The following BRAF variants were observed in gnomAD, a reference collection of about 807,000 sequenced individuals.
The protein encoded by BRAF is serine/threonine-protein kinase B-raf.
BRAF carries 16 observed loss-of-function variants against 104.6 expected under a neutral mutation model. The ratio of observed to expected loss-of-function variants is 0.15; its 90% confidence interval spans 0.10 to 0.23. BRAF has a LOEUF of 0.23. Among genes scored for constraint, BRAF ranks in the 10% least tolerant of loss-of-function variants. The probability of loss-of-function intolerance (pLI) is 1.00; values close to 1 mark genes in which losing one functional copy is unlikely to be tolerated. For synonymous variants in BRAF, 310 were observed against 341.6 expected, an observed-to-expected ratio of 0.91 and a Z score of 1.02; for missense variants, 541 against 937.3, an observed-to-expected ratio of 0.58 and a Z score of 5.52.
At chr7:140,862,714 G>C (rs968443197) in intron 1 of BRAF, among the ~76,000 whole-genome samples, 2 of 152,050 alleles carry the variant, frequency 1.3e-5, no homozygotes, top group Non-Finnish European at 2.9e-5. Flanking sequence ...CTGGGGGGTG[G>C]GCAAATTGGT....
At chr7:140,767,299 C>G (rs2129011951) in intron 14 of BRAF, among the ~76,000 whole-genome samples, 1 of 152,216 alleles carries the variant, frequency 6.6e-6, no homozygotes, top group East Asian at 1.9e-4. Flanking sequence ...CCACCGTGCC[C>G]AGCCAAAAGA....
At chr7:140,906,006 T>C (rs1050781413) in intron 1 of BRAF, among the ~76,000 whole-genome samples, 4 of 132,018 alleles carry the variant, frequency 3.0e-5, no homozygotes, top group Non-Finnish European at 6.2e-5. Flanking sequence ...GAGAATGGCG[T>C]GAACCCGGGA....
At chr7:140,775,803 A>G (rs1800286493) in intron 14 of BRAF, among the ~76,000 whole-genome samples, 1 of 152,236 alleles carries the variant, frequency 6.6e-6, no homozygotes, top group South Asian at 2.1e-4. Flanking sequence ...CTTGTAAACA[A>G]TCTAAATTAT....
chr7:140,802,292 CTTTTTTT>C (rs144953895), intron 5 of BRAF, among the ~76,000 whole-genome samples: 1 of 103,310 alleles, frequency 9.7e-6, no homozygotes. Flanking sequence ...ATGTTTGTGT[CTTTTTTT>C]TTTTTTTTTT....
intron 5 of BRAF, among the ~76,000 whole-genome samples, chr7:140,803,953 C>T (rs573387956): frequency 6.9e-4 from 105 of 152,214 alleles, no homozygotes; most frequent in Non-Finnish European, 1.1e-3. Context: ...GGCAGGATCT[C>T]GGCCCACTGC....
intron 1 of BRAF, among the ~76,000 whole-genome samples, chr7:140,878,021 T>A (rs1812457616): frequency 1.3e-5 from 2 of 152,158 alleles, no homozygotes; most frequent in Admixed American, 6.5e-5. Context: ...ACTCACTTTA[T>A]GATTCCAGCA....
intron 2 of BRAF, among the ~76,000 whole-genome samples, chr7:140,847,687 T>C (rs573892982): frequency 3.7e-4 from 56 of 152,296 alleles, no homozygotes; most frequent in African/African-American, 1.3e-3. Flanking sequence ...AGGAACTATG[T>C]TATTTCATAA....
Position 140,721,615 on chromosome 7 carries a change from A to G in BRAF, c.*4879T>C, listed in dbSNP as rs1795329019. 2.0e-6 allele frequency: 3 copies of G among 1,535,572 alleles called. No homozygotes were observed. Among genetic ancestry groups the G allele is most frequent in the Admixed American group, 2.0e-5 (1 of 50,860 alleles). The stretch of plus-strand genomic sequence containing the variant: ...CTCTCCTCTGGCCAAGCTACAAATC[A>G]TCACCTGAGGCAGAGATGCTACTAC... On this transcript the variant is annotated 3_prime_UTR_variant, in exon 20 of 20. Transcript: ENST00000644969.
chr7:140,887,901 CAG>C (rs1813757996), intron 1 of BRAF, among the ~76,000 whole-genome samples: 1 of 147,666 alleles, frequency 6.8e-6, no homozygotes, highest in Non-Finnish European at 1.5e-5. Context: ...TTTTTTGAGA[CAG>C]AGTCTCGCTT....
At chr7:140,762,356 A>C (rs1296034521) in intron 14 of BRAF, among the ~76,000 whole-genome samples, 1 of 152,234 alleles carries the variant, frequency 6.6e-6, no homozygotes, top group Non-Finnish European at 1.5e-5. Context: ...ACAAAGACAC[A>C]ACATACCAGA....
chr7:140,726,290 CACTGGCAGCAGAG>C lies in BRAF; in HGVS notation c.*191_*203del, dbSNP rs1795594353. 7.1e-7 allele frequency: 1 copy of C among 1,413,366 alleles called. No homozygotes were observed. Among genetic ancestry groups the C allele is most frequent in the Non-Finnish European group, 9.2e-7 (1 of 1,091,200 alleles). The allele number at this position is 1,413,366 out of a possible 1,614,324, so 87.6% of individuals were successfully genotyped here. On this transcript the variant is annotated 3_prime_UTR_variant, in exon 20 of 20. Coordinates refer to ENST00000644969, the MANE Select transcript of BRAF (RefSeq NM_001374258.1). ...GCTCGTGGTATTTTTGTTGAAGAAA[CACTGGCAGCAGAG>C]AATTCTGGTTCCTAAAACATTCTTT...
At chr7:140,825,244 A>G (rs1233147067) in intron 3 of BRAF, among the ~76,000 whole-genome samples, 1 of 152,150 alleles carries the variant, frequency 6.6e-6, no homozygotes, top group African/African-American at 2.4e-5. Context: ...CTGGGATTAC[A>G]GGCATGAGCC....
chr7:140,811,574 T>A (rs1481796056), intron 3 of BRAF, among the ~76,000 whole-genome samples: 1 of 152,202 alleles, frequency 6.6e-6, no homozygotes, highest in Non-Finnish European at 1.5e-5. Context: ...TTTGATCTTA[T>A]TTATACCTAA....
At chr7:140,840,649 G>C (rs1480588912) in intron 2 of BRAF, among the ~76,000 whole-genome samples, 3 of 151,530 alleles carry the variant, frequency 2.0e-5, no homozygotes, top group Non-Finnish European at 2.9e-5. Context: ...AAATTATCCA[G>C]GCACAGTGAC....
chr7:140,742,712 A>G (rs1181069780), intron 17 of BRAF, among the ~76,000 whole-genome samples: 2 of 152,230 alleles, frequency 1.3e-5, no homozygotes, highest in Non-Finnish European at 2.9e-5. Context: ...AAAAGCCAAA[A>G]TTGACAAATG....
chr7:140,862,234 T>C (rs1810498701), intron 1 of BRAF, among the ~76,000 whole-genome samples: 1 of 151,794 alleles, frequency 6.6e-6, no homozygotes, highest in South Asian at 2.1e-4. Context: ...AAGAAAACAC[T>C]TGAGGAGAAG....
intron 3 of BRAF, among the ~76,000 whole-genome samples, chr7:140,830,434 T>A (rs1026408589): frequency 7.0e-4 from 106 of 152,322 alleles, no homozygotes; most frequent in Non-Finnish European, 7.1e-4. Context: ...AAAACTCTTG[T>A]AATTTCCTGA....
intron 19 of BRAF, chr7:140,731,225 C>T (rs1795936675): frequency 6.6e-6 from 1 of 152,222 alleles, no homozygotes; most frequent in Admixed American, 6.5e-5. Flanking sequence ...CCATGTTGTC[C>T]AGGCTGGTCT....
At chr7:140,825,898 A>G (rs894993499) in intron 3 of BRAF, among the ~76,000 whole-genome samples, 28 of 152,160 alleles carry the variant, frequency 1.8e-4, no homozygotes, top group African/African-American at 6.8e-4. Flanking sequence ...TGTCCAACTC[A>G]GAGATTGTGC....
Sources: allele counts gnomAD v4.1 joint callset (sites outside exome capture counted in the v4.1 genomes callset), GRCh38; gene constraint gnomAD v4.1.1; transcripts MANE v1.5; gene names NCBI Gene and HGNC (gene_info 2026-07-23, HGNC 2026-07-21).